IGSF21: variants seen among roughly 807,000 people sequenced by gnomAD.
IGSF21 encodes the protein immunoglobin superfamily member 21.
Under a neutral mutation model 46.8 loss-of-function variants are expected in IGSF21, and 28 were observed. The observed-to-expected ratio is 0.60, with a 90% CI of 0.44 to 0.82. IGSF21 has a LOEUF of 0.82. Ranked by LOEUF, IGSF21 falls within the 40% of genes least tolerant of loss-of-function variation. IGSF21 has a pLI of 0.00. For missense variants in IGSF21, 624 were observed against 665.5 expected (o/e 0.94, Z 0.69); for synonymous variants, 284 against 273.6 (o/e 1.04, Z -0.38).
chr1:18,353,730 G>A (rs998237199), intron 4 of IGSF21, among the ~76,000 whole-genome samples: 1 of 152,202 alleles, frequency 6.6e-6, no homozygotes, highest in African/African-American at 2.4e-5. Context: ...ACATGCAAAG[G>A]CCCTGTGGCT....
chr1:18,150,542 T>C (rs12404328), intron 1 of IGSF21, among the ~76,000 whole-genome samples: 59,368 of 152,014 alleles, frequency 0.39, 12,042 homozygotes, highest in East Asian at 0.58. Flanking sequence ...GTCAGTGTGG[T>C]CAGAGACAGG....
chr1:18,236,409 T>C (rs1483416272), intron 2 of IGSF21, among the ~76,000 whole-genome samples: 1 of 152,198 alleles, frequency 6.6e-6, no homozygotes, highest in Non-Finnish European at 1.5e-5. Flanking sequence ...TTTTATAAAT[T>C]ACCCAGTCCC....
At chr1:18,158,781 G>T (rs1484167217) in intron 1 of IGSF21, among the ~76,000 whole-genome samples, 2 of 152,202 alleles carry the variant, frequency 1.3e-5, no homozygotes, top group Non-Finnish European at 2.9e-5. Flanking sequence ...CTAAGTACTG[G>T]ATATGGGTGA....
At chr1:18,182,927 A>G (rs1557576344) in intron 1 of IGSF21, among the ~76,000 whole-genome samples, 2 of 152,112 alleles carry the variant, frequency 1.3e-5, no homozygotes, top group Non-Finnish European at 2.9e-5. Context: ...GATGAATCAC[A>G]CGAGGCCTGG....
At chr1:18,360,277 AC>A (rs1557660150) in intron 4 of IGSF21, among the ~76,000 whole-genome samples, 1 of 152,144 alleles carries the variant, frequency 6.6e-6, no homozygotes, top group East Asian at 1.9e-4. Flanking sequence ...ATGCGATCTT[AC>A]GCTTAATTAC....
intron 1 of IGSF21, among the ~76,000 whole-genome samples, chr1:18,195,364 T>G (rs1011142827): frequency 3.9e-5 from 6 of 152,188 alleles, no homozygotes; most frequent in Non-Finnish European, 7.3e-5. Flanking sequence ...ATCGATGGAT[T>G]ATAACGGCTG....
At chr1:18,293,734 G>T (rs139812274) in intron 3 of IGSF21, among the ~76,000 whole-genome samples, 1 of 152,108 alleles carries the variant, frequency 6.6e-6, no homozygotes, top group African/African-American at 2.4e-5. Context: ...TAATCTCCAC[G>T]ACTCCCAGAA....
At chr1:18,151,016 C>A (rs1436040780) in intron 1 of IGSF21, among the ~76,000 whole-genome samples, 1 of 152,178 alleles carries the variant, frequency 6.6e-6, no homozygotes, top group Admixed American at 6.5e-5. Flanking sequence ...AAGGCTCAGG[C>A]AGGGTATGTG....
At chr1:18,330,006 A>G (rs2085696777) in intron 3 of IGSF21, among the ~76,000 whole-genome samples, 1 of 152,176 alleles carries the variant, frequency 6.6e-6, no homozygotes, top group Non-Finnish European at 1.5e-5. Context: ...ACTGCATTAC[A>G]CTGATCTCTC....
At chr1:18,112,680 T>C (rs1382220828) in intron 1 of IGSF21, 2 of 152,392 alleles carry the variant, frequency 1.3e-5, no homozygotes, top group African/African-American at 2.4e-5. Context: ...CCCAGCCACA[T>C]GGATGTGTCC....
chr1:18,313,129 C>T (rs112321606), intron 3 of IGSF21, among the ~76,000 whole-genome samples: 3,506 of 152,190 alleles, frequency 0.023, 58 homozygotes, highest in Non-Finnish European at 0.037. Context: ...CGTGCATGAC[C>T]GGTGAGGACA....
At chr1:18,293,120 C>A (rs1018579797) in intron 3 of IGSF21, among the ~76,000 whole-genome samples, 6 of 152,296 alleles carry the variant, frequency 3.9e-5, no homozygotes, top group African/African-American at 1.2e-4. Flanking sequence ...GGAAGCCGTA[C>A]TCTCCAGCAC....
chr1:18,241,192 T>G (rs1051570309), intron 2 of IGSF21, among the ~76,000 whole-genome samples: 2 of 152,200 alleles, frequency 1.3e-5, no homozygotes, highest in Admixed American at 6.5e-5. Context: ...ACTTATGGCC[T>G]TATACAAAGC....
chr1:18,269,085 A>C (rs2085018369), intron 2 of IGSF21, among the ~76,000 whole-genome samples: 1 of 152,244 alleles, frequency 6.6e-6, no homozygotes, highest in African/African-American at 2.4e-5. Flanking sequence ...CAACCGCATC[A>C]CATGGGGCGC....
intron 1 of IGSF21, among the ~76,000 whole-genome samples, chr1:18,193,118 G>A (rs1433062134): frequency 2.6e-5 from 4 of 152,074 alleles, no homozygotes; most frequent in Non-Finnish European, 5.9e-5. Context: ...TGTGTCCAGG[G>A]GCTTTTGAGG....
At chr1:18,142,626 C>T (rs1048836850) in intron 1 of IGSF21, among the ~76,000 whole-genome samples, 1 of 152,214 alleles carries the variant, frequency 6.6e-6, no homozygotes, top group Non-Finnish European at 1.5e-5. Context: ...GCTCTGAGCC[C>T]AACAGATAAA....
chr1:18,273,404 C>CCTTTA (rs2085064332), intron 2 of IGSF21, among the ~76,000 whole-genome samples: 1 of 147,198 alleles, frequency 6.8e-6, no homozygotes, highest in Non-Finnish European at 1.5e-5. Context: ...CCTTTCCTTT[C>CCTTTA]CTTTCCTTTC....
chr1:18,188,629 G>A (rs1557579098), intron 1 of IGSF21, among the ~76,000 whole-genome samples: 1 of 152,164 alleles, frequency 6.6e-6, no homozygotes, highest in Admixed American at 6.5e-5. Flanking sequence ...CCTTCACTGG[G>A]TAACCTGGTG....
intron 1 of IGSF21, among the ~76,000 whole-genome samples, chr1:18,148,583 C>T (rs1300280762): frequency 6.6e-6 from 1 of 152,184 alleles, no homozygotes; most frequent in Non-Finnish European, 1.5e-5. Context: ...AGACTCTGGA[C>T]CACAACACTA....
Sources: allele counts gnomAD v4.1 joint callset (sites outside exome capture counted in the v4.1 genomes callset), GRCh38; gene constraint gnomAD v4.1.1; transcripts MANE v1.5; gene names NCBI Gene and HGNC (gene_info 2026-07-23, HGNC 2026-07-21).